The following TNIK variants were observed in gnomAD, a reference collection of about 807,000 sequenced individuals.
The protein encoded by TNIK is TRAF2 and NCK interacting kinase, also known as TRAF2 and NCK-interacting protein kinase.
TNIK carries 49 observed loss-of-function variants against 191.3 expected under a neutral mutation model. That is an observed-to-expected ratio of 0.26 (90% CI 0.20 to 0.32). TNIK has a LOEUF of 0.32. Ranked by LOEUF, TNIK falls within the 10% of genes least tolerant of loss-of-function variation. TNIK has a pLI of 1.00. For missense variants in TNIK, 1,155 were observed against 1,702.3 expected, an observed-to-expected ratio of 0.68 and a Z score of 5.66; for synonymous variants, 594 against 600.9, an observed-to-expected ratio of 0.99 and a Z score of 0.17.
At chr3:171,116,672 A>G (rs1269397921) in intron 18 of TNIK, among the ~76,000 whole-genome samples, 1 of 152,166 alleles carries the variant, frequency 6.6e-6, no homozygotes, top group Non-Finnish European at 1.5e-5. Flanking sequence ...TTTTGAAATT[A>G]ATCATTTAGT....
intron 1 of TNIK, among the ~76,000 whole-genome samples, chr3:171,393,470 T>C (rs1048095443): frequency 6.6e-6 from 1 of 152,248 alleles, no homozygotes; most frequent in Non-Finnish European, 1.5e-5. Flanking sequence ...TTCTTTTCAA[T>C]CATGCCATGA....
At chr3:171,360,307 T>C (rs546669563) in intron 2 of TNIK, among the ~76,000 whole-genome samples, 1 of 152,340 alleles carries the variant, frequency 6.6e-6, no homozygotes, top group South Asian at 2.1e-4. Flanking sequence ...GCCACATGGG[T>C]ACCTTAATAA....
At chr3:171,287,466 A>T (rs1002289822) in intron 2 of TNIK, among the ~76,000 whole-genome samples, 1 of 152,242 alleles carries the variant, frequency 6.6e-6, no homozygotes, top group Non-Finnish European at 1.5e-5. Flanking sequence ...CAGGATTCCA[A>T]CAGGATACTT....
At chr3:171,339,309 A>C (rs1757286494) in intron 2 of TNIK, among the ~76,000 whole-genome samples, 1 of 152,184 alleles carries the variant, frequency 6.6e-6, no homozygotes, top group Non-Finnish European at 1.5e-5. Context: ...CCTTGCCATG[A>C]GTGTGGCTCT....
chr3:171,126,243 T>C, intron 16 of TNIK, 92 bp from the exon 17 acceptor site: 2 of 1,285,066 alleles, frequency 1.6e-6, no homozygotes, highest in Non-Finnish European at 2.1e-6. Context: ...AAAAAAAAAG[T>C]TCAAGGGCAC....
chr3:171,114,645 T>C (rs895736778), intron 18 of TNIK, among the ~76,000 whole-genome samples: 3 of 152,246 alleles, frequency 2.0e-5, no homozygotes, highest in Non-Finnish European at 2.9e-5. Context: ...TATGATCATA[T>C]AAATGTAGAC....
chr3:171,293,185 T>A (rs548644053), intron 2 of TNIK, among the ~76,000 whole-genome samples: 3 of 152,274 alleles, frequency 2.0e-5, no homozygotes, highest in African/African-American at 7.2e-5. Context: ...ACCACAAATA[T>A]CCTGATTAAC....
chr3:171,169,880 C>T (rs1328413716), intron 9 of TNIK, among the ~76,000 whole-genome samples: 6 of 152,174 alleles, frequency 3.9e-5, no homozygotes, highest in African/African-American at 1.4e-4. Flanking sequence ...AACTACAAAG[C>T]TGGTAATATA....
chr3:171,166,889 T>G (rs1448661876), intron 10 of TNIK, among the ~76,000 whole-genome samples: 1 of 152,198 alleles, frequency 6.6e-6, no homozygotes, highest in African/African-American at 2.4e-5. Flanking sequence ...TAATGTTTCT[T>G]GCAGTTCTAT....
At chr3:171,105,937 A>C (rs1209280603) in intron 21 of TNIK, among the ~76,000 whole-genome samples, 1 of 152,220 alleles carries the variant, frequency 6.6e-6, no homozygotes, top group Admixed American at 6.5e-5. Flanking sequence ...AGGGGCAAGC[A>C]AGGCCACGGC....
chr3:171,421,033 T>C (rs1476159619), intron 1 of TNIK, among the ~76,000 whole-genome samples: 1 of 152,176 alleles, frequency 6.6e-6, no homozygotes, highest in East Asian at 1.9e-4. Context: ...CTGTGGAAAA[T>C]GAACCCACAG....
chr3:171,069,600 T>C (rs1233353165), intron 29 of TNIK, among the ~76,000 whole-genome samples: 1 of 152,228 alleles, frequency 6.6e-6, no homozygotes, highest in Non-Finnish European at 1.5e-5. Flanking sequence ...GATTGATGGC[T>C]TGCATTGACT....
chr3:171,118,522 T>C (rs976130404), intron 18 of TNIK, among the ~76,000 whole-genome samples: 10 of 152,302 alleles, frequency 6.6e-5, no homozygotes, highest in African/African-American at 2.4e-4. Flanking sequence ...GGCATCATGC[T>C]ACCTGACTTC....
chr3:171,436,553 C>A (rs1726057089), intron 1 of TNIK, among the ~76,000 whole-genome samples: 1 of 151,710 alleles, frequency 6.6e-6, no homozygotes, highest in Non-Finnish European at 1.5e-5. Flanking sequence ...GCTATAGCAC[C>A]AAGATTCAAA....
chr3:171,177,384 A>G lies in TNIK; in HGVS notation c.640-4T>C. 1.9e-6 allele frequency: 3 copies of G among 1,604,082 alleles called. No homozygotes were observed. The highest frequency in any genetic ancestry group is 2.6e-6 in the Non-Finnish European group (3 of 1,175,180). ...TACCCAAAGACCACAAGTCACTCTGAAAAAGAAGGGGCAGACACACACATA... is the reference window on the plus strand; with the variant it reads ...TACCCAAAGACCACAAGTCACTCTGGAAAAGAAGGGGCAGACACACACATA... On this transcript the variant is annotated splice_region_variant and splice_polypyrimidine_tract_variant and intron_variant, in intron 7 of 32. Transcript: ENST00000436636.
At chr3:171,276,601 T>G (rs1428858910) in intron 2 of TNIK, among the ~76,000 whole-genome samples, 1 of 152,228 alleles carries the variant, frequency 6.6e-6, no homozygotes, top group Non-Finnish European at 1.5e-5. Context: ...ATTTTCAATT[T>G]TTAGAATTAA....
chr3:171,414,986 C>T (rs1383964372), intron 1 of TNIK, among the ~76,000 whole-genome samples: 1 of 152,204 alleles, frequency 6.6e-6, no homozygotes, highest in Non-Finnish European at 1.5e-5. Context: ...TCAGCCTCTA[C>T]TGTACTTGGA....
intron 4 of TNIK, among the ~76,000 whole-genome samples, chr3:171,195,417 G>A (rs1738564592): frequency 6.6e-6 from 1 of 152,012 alleles, no homozygotes; most frequent in African/African-American, 2.4e-5. Context: ...ACCTTATTAG[G>A]TACTTATATA....
chr3:171,113,393 C>G (rs938863938), intron 18 of TNIK, among the ~76,000 whole-genome samples: 1 of 152,120 alleles, frequency 6.6e-6, no homozygotes, highest in Non-Finnish European at 1.5e-5. Flanking sequence ...ATCACGAGGT[C>G]AGGAGATCGA....
Sources: gnomAD v4.1 joint callset for allele counts (sites outside exome capture counted in the v4.1 genomes callset) on GRCh38, gnomAD v4.1.1 for gene constraint, MANE v1.5 for transcripts, NCBI Gene and HGNC (gene_info 2026-07-23, HGNC 2026-07-21) for gene names.